The following EYS variants were observed in gnomAD, a reference collection of about 807,000 sequenced individuals.
The protein encoded by EYS is EGF-like photoreceptor maintenance factor.
Under a neutral mutation model 282.1 loss-of-function variants are expected in EYS, and 250 were observed. That is an observed-to-expected ratio of 0.89 (90% confidence interval 0.80 to 0.98). The LOEUF (loss-of-function observed/expected upper bound fraction) is 0.98, where lower values mean the gene tolerates loss of function less well. EYS is among the 50% of genes least tolerant of loss of function. EYS has a pLI of 0.00. For synonymous variants in EYS, 1,355 were observed against 1,282.9 expected, an observed-to-expected ratio of 1.06 and a Z score of -1.20; for missense variants, 4,016 against 3,709.0, an observed-to-expected ratio of 1.08 and a Z score of -2.15.
At chr6:65,118,961 T>C (rs1233771614) in intron 12 of EYS, among the ~76,000 whole-genome samples, 1 of 151,752 alleles carries the variant, frequency 6.6e-6, no homozygotes, top group Non-Finnish European at 1.5e-5. Flanking sequence ...TTTGTTAATA[T>C]ATAAAATGTT....
intron 26 of EYS, among the ~76,000 whole-genome samples, chr6:64,530,704 T>C (rs1764301009): frequency 6.6e-6 from 1 of 152,158 alleles, no homozygotes; most frequent in Non-Finnish European, 1.5e-5. Context: ...ATAACAACTC[T>C]TTATTGTTAA....
intron 26 of EYS, among the ~76,000 whole-genome samples, chr6:64,462,713 T>G (rs1775787424): frequency 6.8e-6 from 1 of 146,196 alleles, no homozygotes; most frequent in Non-Finnish European, 1.5e-5. Flanking sequence ...AGATTTTGTC[T>G]TTTTTCTCCT....
chr6:64,719,938 C>T (rs1477064381), intron 22 of EYS, among the ~76,000 whole-genome samples: 1 of 152,048 alleles, frequency 6.6e-6, no homozygotes, highest in Non-Finnish European at 1.5e-5. Flanking sequence ...CAAGTCTTGC[C>T]GTTAGAAAGA....
rs190479275 is a variant in EYS, at chr6:65,398,800, C to A, written c.1184+3678G>T. Reference sequence around the variant, plus strand: ...TATTAGGTGTCTTGTCTAACATGTTCAAAACTGACATCTTGTTTTACACTC... The same window carrying A: ...TATTAGGTGTCTTGTCTAACATGTTAAAAACTGACATCTTGTTTTACACTC... On this transcript the variant is annotated intron_variant, in intron 7 of 42. Coordinates refer to ENST00000503581, the MANE Select transcript of EYS (RefSeq NM_001142800.2). 4.1e-3 allele frequency among the ~76,000 whole-genome samples: 624 copies of A among 152,150 alleles called. 5 individuals carry two copies. Among genetic ancestry groups the A allele is most frequent in the African/African-American group, 0.014 (591 of 41,542 alleles).
At chr6:63,799,345 T>G (rs1004104311) in intron 37 of EYS, among the ~76,000 whole-genome samples, 2 of 152,088 alleles carry the variant, frequency 1.3e-5, no homozygotes, top group African/African-American at 4.8e-5. Flanking sequence ...TATTATATAA[T>G]TTTAATACAA....
intron 11 of EYS, among the ~76,000 whole-genome samples, chr6:65,312,731 G>A (rs562074191): frequency 1.3e-5 from 2 of 152,136 alleles, no homozygotes; most frequent in Admixed American, 1.3e-4. Context: ...TTTTCTCTAT[G>A]GTCACAGTTA....
At chr6:64,205,856 TAGAGAGAG>T (rs35786372) in intron 31 of EYS, among the ~76,000 whole-genome samples, 1 of 149,178 alleles carries the variant, frequency 6.7e-6, no homozygotes, top group South Asian at 2.1e-4. Context: ...TATATATATA[TAGAGAGAG>T]AGAGAGAGAG....
At chr6:65,702,473 C>G (rs1234279555) in intron 1 of EYS, among the ~76,000 whole-genome samples, 1 of 152,134 alleles carries the variant, frequency 6.6e-6, no homozygotes, top group Non-Finnish European at 1.5e-5. Context: ...GAGTAAATTA[C>G]TTGAGGTCAG....
At chr6:65,225,607 G>A (rs1432111859) in intron 12 of EYS, among the ~76,000 whole-genome samples, 4 of 151,494 alleles carry the variant, frequency 2.6e-5, no homozygotes, top group Non-Finnish European at 5.9e-5. Context: ...CCAGCTACTC[G>A]GGAGGCTGAG....
intron 16 of EYS, among the ~76,000 whole-genome samples, chr6:64,906,552 A>G (rs1233674514): frequency 6.6e-6 from 1 of 152,236 alleles, no homozygotes; most frequent in Non-Finnish European, 1.5e-5. Context: ...TAGTATATAT[A>G]CTGGAGTAAT....
At chr6:64,274,493 T>TGTTTG (rs1768048516) in intron 30 of EYS, among the ~76,000 whole-genome samples, 1 of 149,270 alleles carries the variant, frequency 6.7e-6, no homozygotes, top group African/African-American at 2.5e-5. Flanking sequence ...TTTTTTTTTT[T>TGTTTG]TTTTTTTTTT....
At chr6:65,614,105 C>A (rs1766099784) in intron 2 of EYS, among the ~76,000 whole-genome samples, 1 of 151,978 alleles carries the variant, frequency 6.6e-6, no homozygotes, top group African/African-American at 2.4e-5. Context: ...TCACTTATTT[C>A]ATTTTCCATT....
chr6:64,761,784 G>T (rs1436043289), intron 22 of EYS, among the ~76,000 whole-genome samples: 1 of 152,000 alleles, frequency 6.6e-6, no homozygotes, highest in East Asian at 1.9e-4. Context: ...GAGGACTAAA[G>T]AACAAATAGA....
intron 15 of EYS, among the ~76,000 whole-genome samples, chr6:64,915,757 T>A (rs1472248095): frequency 6.6e-6 from 1 of 152,174 alleles, no homozygotes. Context: ...AATTTGATAC[T>A]TTCAATAAAG....
intron 26 of EYS, among the ~76,000 whole-genome samples, chr6:64,565,281 G>GT (rs951230339): frequency 1.8e-4 from 27 of 151,286 alleles, no homozygotes; most frequent in Non-Finnish European, 3.1e-4. Context: ...AGTCAGAAGT[G>GT]TTTTTTTTCT....
At chr6:63,906,351 A>G (rs1034414896) in intron 35 of EYS, among the ~76,000 whole-genome samples, 2 of 152,218 alleles carry the variant, frequency 1.3e-5, no homozygotes, top group African/African-American at 2.4e-5. Flanking sequence ...TTATGCAAAT[A>G]ATGCCTGCAA....
intron 30 of EYS, among the ~76,000 whole-genome samples, chr6:64,263,224 T>G (rs1306698511): frequency 6.6e-6 from 1 of 152,128 alleles, no homozygotes; most frequent in Admixed American, 6.6e-5. Flanking sequence ...TTATTTCTTT[T>G]TCCTCTTTAT....
chr6:64,889,503 G>A (rs747225724), intron 18 of EYS, among the ~76,000 whole-genome samples: 11 of 151,928 alleles, frequency 7.2e-5, no homozygotes, highest in East Asian at 3.9e-4. Flanking sequence ...TTATTGTTGC[G>A]GGAAGTCAGG....
At chr6:64,371,982 C>T (rs1490355841) in intron 29 of EYS, among the ~76,000 whole-genome samples, 1 of 152,006 alleles carries the variant, frequency 6.6e-6, no homozygotes, top group Non-Finnish European at 1.5e-5. Context: ...CCACTCTGTG[C>T]CTTTTAATTG....
Sources: gnomAD v4.1 joint callset for allele counts (sites outside exome capture counted in the v4.1 genomes callset) on GRCh38, gnomAD v4.1.1 for gene constraint, MANE v1.5 for transcripts, NCBI Gene and HGNC (gene_info 2026-07-23, HGNC 2026-07-21) for gene names.